SNX25: variants seen among roughly 807,000 people sequenced by gnomAD.
SNX25 encodes the protein sorting nexin 25.
Under a neutral mutation model 113.7 loss-of-function variants are expected in SNX25, and 62 were observed. The ratio of observed to expected loss-of-function variants is 0.55; its 90% CI spans 0.44 to 0.67. SNX25 has a LOEUF of 0.67. SNX25 is among the 30% of genes least tolerant of loss of function. The pLI is 0.00. For synonymous variants in SNX25, 421 were observed against 436.2 expected (o/e 0.97, Z 0.43); for missense variants, 1,014 against 1,161.0 (o/e 0.87, Z 1.84).
chr4:185,374,412 T>C, downstream of SNX25: 1 of 1,614,158 alleles, frequency 6.2e-7, no homozygotes, highest in Non-Finnish European at 8.5e-7. Flanking sequence ...GTGTCTTGCT[T>C]TGGGACATGG....
At chr4:185,239,389 A>G (rs1049263748) in intron 1 of SNX25, among the ~76,000 whole-genome samples, 6 of 152,164 alleles carry the variant, frequency 3.9e-5, no homozygotes, top group African/African-American at 9.7e-5. Flanking sequence ...AGGCTGAGGC[A>G]GGAGAATGGC....
chr4:185,210,236 C>T lies in SNX25; in HGVS notation c.410C>T (p.Ala137Val). ...TGGAGCCGGCTGGCCGCGACCTCAG[C>T]CGCCCGCCGCCCGCCGGGGGTAAGT... ...AAWSRLAATS[A>V]ARRPPGSPVY... The change falls in exon 1 of 19, where the codon GCC becomes GTC. Residue 137 changes from alanine (A) to valine (V), a missense_variant. Transcript: ENST00000652585. This position sits in a 1 kb window ranked among gnomAD's most constrained non-coding sequence, Gnocchi z 4.4. 1 of 984,966 alleles carries T rather than the reference C, an allele frequency of 1.0e-6. No individual in the cohort carries two copies. The highest frequency in any genetic ancestry group is 1.2e-6 in the Non-Finnish European group (1 of 830,054). The allele number at this position is 984,966 out of a possible 1,614,324, so 61.0% of individuals were successfully genotyped here.
intron 2 of SNX25, 29 bp downstream of exon 2, chr4:185,247,407 C>T: frequency 7.3e-7 from 1 of 1,372,852 alleles, no homozygotes; most frequent in Non-Finnish European, 1.0e-6. Context: ...TATATAATTA[C>T]CATGTAAAGC....
At chr4:185,212,581 G>C (rs1331130244) in intron 1 of SNX25, among the ~76,000 whole-genome samples, 1 of 148,094 alleles carries the variant, frequency 6.8e-6, no homozygotes, top group Non-Finnish European at 1.5e-5. Context: ...GGGTCCTCAA[G>C]TGATCCTCCT....
At chr4:185,288,788 G>C (rs1751736472) in intron 6 of SNX25, among the ~76,000 whole-genome samples, 1 of 152,174 alleles carries the variant, frequency 6.6e-6, no homozygotes. Context: ...CATGTACAAA[G>C]GTAGAGAACG....
In SNX25 at chr4:185,332,754, A is replaced by G. The variant is rs762831290; in HGVS notation, c.1909A>G (p.Lys637Glu). ...NSIQNAPKPD[K>E]KIVSKLKDEI... The stretch of plus-strand genomic sequence containing the variant: ...TATTCAAAATGCACCAAAACCTGAC[A>G]AGAAGGTAACTCTTTGCTTTCAAGG... Residue 637 changes from lysine to glutamate, a missense_variant, in exon 10 of 19, where the codon AAG becomes GAG. Lys to Glu is a moderately conservative substitution (Grantham distance 56). Transcript: ENST00000652585. The G allele has an allele frequency of 4.5e-5, 73 of 1,612,894 alleles. No homozygotes were observed. The highest frequency in any genetic ancestry group is 1.0e-4 in the Admixed American group (6 of 59,948).
intron 9 of SNX25, among the ~76,000 whole-genome samples, chr4:185,326,342 A>G (rs894171566): frequency 3.3e-5 from 5 of 152,122 alleles, no homozygotes; most frequent in Admixed American, 3.3e-4. Flanking sequence ...CTCTATTCTG[A>G]TGTCACAATC....
chr4:185,230,678 C>T (rs553402343), intron 1 of SNX25, among the ~76,000 whole-genome samples: 1 of 152,200 alleles, frequency 6.6e-6, no homozygotes, highest in South Asian at 2.1e-4. Flanking sequence ...GGATTACAGG[C>T]GTGAGCCACT....
rs138765044 is a variant in SNX25 at position 185,340,307 on chromosome 4, C to T, written c.2046+797C>T. Reference sequence around the variant, plus strand: ...GGGGTTGGGAGAGGGTCAAAATTCACGACCTTAAATTTATCTCTAGGTTGG... The same window carrying T: ...GGGGTTGGGAGAGGGTCAAAATTCATGACCTTAAATTTATCTCTAGGTTGG... On this transcript the variant is annotated intron_variant, in intron 11 of 18. Coordinates refer to ENST00000652585, the MANE Select transcript of SNX25 (RefSeq NM_001378034.2). Among the ~76,000 whole-genome samples, 9 of 152,204 alleles carry T rather than the reference C, an allele frequency of 5.9e-5. No individual in the cohort carries two copies. In the East Asian group the frequency reaches 1.2e-3, roughly 20 times the overall value.
At chr4:185,367,230 G>T (rs879020460), downstream of SNX25, 2 of 1,611,772 alleles carry the variant, frequency 1.2e-6, no homozygotes, top group South Asian at 1.1e-5. Flanking sequence ...GCCAATGCGG[G>T]ATTCAGACGA....
chr4:185,273,215 C>G (rs1197925127), intron 5 of SNX25, among the ~76,000 whole-genome samples: 3 of 152,100 alleles, frequency 2.0e-5, no homozygotes, highest in African/African-American at 7.2e-5. Context: ...GCAGTTTTTT[C>G]CCCAGATTGA....
chr4:185,335,340 A>G (rs1171203223), intron 10 of SNX25, among the ~76,000 whole-genome samples: 1 of 151,912 alleles, frequency 6.6e-6, no homozygotes, highest in African/African-American at 2.4e-5. Flanking sequence ...ACACACACAC[A>G]CACACACACA....
chr4:185,301,743 C>T (rs1451444143), intron 6 of SNX25, among the ~76,000 whole-genome samples: 4 of 151,812 alleles, frequency 2.6e-5, no homozygotes, highest in Admixed American at 6.6e-5. Flanking sequence ...TGCGCCAGCA[C>T]GCTCGGCTAA....
At chr4:185,252,054 A>G (rs1428725739) in intron 2 of SNX25, among the ~76,000 whole-genome samples, 2 of 152,054 alleles carry the variant, frequency 1.3e-5, no homozygotes, top group Non-Finnish European at 2.9e-5. Context: ...AAAGCTGCTG[A>G]AGTTCAGCAT....
intron 14 of SNX25, among the ~76,000 whole-genome samples, chr4:185,352,641 C>T (rs2095321573): frequency 6.6e-6 from 1 of 152,240 alleles, no homozygotes; most frequent in South Asian, 2.1e-4. Flanking sequence ...TTACCTTTCT[C>T]AGCCTCTTTT....
In SNX25 at chr4:185,332,698, A is replaced by G; in HGVS notation, c.1853A>G (p.Lys618Arg). ...AVNKLRELNE[K>R]LEYKRQALNS... ...AACAAACTGCGAGAACTAAATGAGAAACTTGAATATAAAAGGCAAGCTCTA... is the reference window on the plus strand; with the variant it reads ...AACAAACTGCGAGAACTAAATGAGAGACTTGAATATAAAAGGCAAGCTCTA... The change falls in exon 10 of 19, where the codon AAA becomes AGA. Residue 618 changes from lysine to arginine, a missense_variant. Coordinates refer to ENST00000652585, the MANE Select transcript of SNX25 (RefSeq NM_001378034.2). The G allele has an allele frequency of 6.2e-7, 1 of 1,614,122 alleles. No individual in the cohort carries two copies. The highest frequency in any genetic ancestry group is 8.5e-7 in the Non-Finnish European group (1 of 1,179,988).
intron 2 of SNX25, among the ~76,000 whole-genome samples, chr4:185,256,781 A>G (rs1359866464): frequency 2.0e-5 from 3 of 150,538 alleles, no homozygotes; most frequent in East Asian, 2.0e-4. Flanking sequence ...CCACCACCAC[A>G]CCCGGCTAAT....
chr4:185,327,928 C>T lies in SNX25; in HGVS notation c.1749+4128C>T, dbSNP rs186732454. Among the ~76,000 whole-genome samples, 9 of 152,256 alleles carry T rather than the reference C, an allele frequency of 5.9e-5. No homozygotes were observed. In the East Asian group the frequency reaches 1.3e-3, roughly 23 times the overall value. On this transcript the variant is annotated intron_variant, in intron 9 of 18. Transcript: ENST00000652585. ...AGAGATAAGTATGAAATTGCTTGAT[C>T]GATAAATGCAAACAAAAATGTATGC...
chr4:185,295,629 T>C (rs1267294373), intron 6 of SNX25, among the ~76,000 whole-genome samples: 1 of 152,028 alleles, frequency 6.6e-6, no homozygotes, highest in African/African-American at 2.4e-5. Context: ...TTTGTATTTT[T>C]TGTAGAAATG....
Sources: gnomAD v4.1 joint callset for allele counts (sites outside exome capture counted in the v4.1 genomes callset) on GRCh38, gnomAD v4.1.1 for gene constraint, Gnocchi (gnomAD v3.1) non-coding constraint, MANE v1.5 for transcripts, NCBI Gene and HGNC (gene_info 2026-07-23, HGNC 2026-07-21) for gene names.